The following SSBP2 variants were observed in gnomAD, a reference collection of about 807,000 sequenced individuals.
SSBP2 encodes single stranded DNA binding protein 2.
SSBP2 carries 17 observed loss-of-function variants against 61.8 expected under a neutral mutation model. That is an observed-to-expected ratio of 0.28 (90% confidence interval 0.19 to 0.41). The LOEUF (loss-of-function observed/expected upper bound fraction) is 0.41. Ranked by LOEUF, SSBP2 falls within the 10% of genes least tolerant of loss-of-function variation. SSBP2 has a pLI of 1.00. For missense variants in SSBP2, 310 were observed against 458.7 expected, an observed-to-expected ratio of 0.68 and a Z score of 2.96; for synonymous variants, 139 against 141.3, an observed-to-expected ratio of 0.98 and a Z score of 0.12.
At chr5:81,737,647 G>A (rs906340342) in intron 1 of SSBP2, among the ~76,000 whole-genome samples, 3 of 151,668 alleles carry the variant, frequency 2.0e-5, no homozygotes, top group South Asian at 2.1e-4. Flanking sequence ...AATTAGCCGG[G>A]TGTGGTGGCG....
intron 3 of SSBP2, among the ~76,000 whole-genome samples, chr5:81,631,617 C>A (rs1747732430): frequency 6.6e-6 from 1 of 152,092 alleles, no homozygotes; most frequent in South Asian, 2.1e-4. Context: ...GATTTAAACA[C>A]TGCCTGGCAA....
chr5:81,662,015 G>C (rs1031516151), intron 1 of SSBP2, among the ~76,000 whole-genome samples: 1 of 152,038 alleles, frequency 6.6e-6, no homozygotes, highest in African/African-American at 2.4e-5. Context: ...TTTGATTTTT[G>C]TCTGCGTTAT....
intron 1 of SSBP2, among the ~76,000 whole-genome samples, chr5:81,716,268 G>A (rs1755165680): frequency 3.3e-5 from 5 of 152,088 alleles, no homozygotes; most frequent in Non-Finnish European, 7.4e-5. Context: ...AATGAGATAA[G>A]GGTAATAGTA....
chr5:81,729,285 T>C (rs1327972795), intron 1 of SSBP2, among the ~76,000 whole-genome samples: 1 of 152,118 alleles, frequency 6.6e-6, no homozygotes, highest in African/African-American at 2.4e-5. Context: ...TAGCCTACCT[T>C]CAAATAGGTT....
At position 81,443,574 on chromosome 5, in the gene SSBP2, G is replaced by GT. The variant is rs1434051960; in HGVS notation, c.779-852dup. On this transcript the variant is annotated intron_variant, in intron 12 of 16. Coordinates refer to ENST00000320672, the MANE Select transcript of SSBP2 (RefSeq NM_012446.5). ...TAGTAGGCCTCTTTTGTTTTATTTT[G>GT]TTTTTTTAGACAGAGTCTTGCTCTA... 5.9e-5 allele frequency among the ~76,000 whole-genome samples: 9 copies of GT among 151,854 alleles called. No homozygotes were observed. In the South Asian group the frequency reaches 6.2e-4, roughly 11 times the overall value.
chr5:81,466,420 A>G (rs1398350144), intron 9 of SSBP2, among the ~76,000 whole-genome samples: 2 of 152,068 alleles, frequency 1.3e-5, no homozygotes, highest in Non-Finnish European at 2.9e-5. Flanking sequence ...ATCCTACGCT[A>G]CGGAAAGTTC....
At chr5:81,672,570 T>C (rs978298489) in intron 1 of SSBP2, among the ~76,000 whole-genome samples, 6 of 151,760 alleles carry the variant, frequency 4.0e-5, no homozygotes, top group Admixed American at 3.9e-4. Flanking sequence ...CCAGATACTT[T>C]TTCTTTTTTT....
chr5:81,655,662 A>G (rs984145904), intron 1 of SSBP2, among the ~76,000 whole-genome samples: 2 of 152,208 alleles, frequency 1.3e-5, no homozygotes, highest in Non-Finnish European at 2.9e-5. Flanking sequence ...ACAGAGGTAG[A>G]GATTAAGATG....
chr5:81,641,819 G>C (rs551517500), intron 2 of SSBP2, among the ~76,000 whole-genome samples: 1 of 152,120 alleles, frequency 6.6e-6, no homozygotes, highest in South Asian at 2.1e-4. Flanking sequence ...TCATTAAAAA[G>C]AATGAAATAC....
At chr5:81,677,735 A>G (rs778781018) in intron 1 of SSBP2, among the ~76,000 whole-genome samples, 3 of 151,620 alleles carry the variant, frequency 2.0e-5, no homozygotes, top group African/African-American at 7.3e-5. Flanking sequence ...GCCACAGCAT[A>G]CTCTGGCTGG....
At chr5:81,435,691 C>A (rs777046807) in intron 15 of SSBP2, among the ~76,000 whole-genome samples, 1 of 152,104 alleles carries the variant, frequency 6.6e-6, no homozygotes, top group East Asian at 1.9e-4. Context: ...CTTTCCCATA[C>A]AGAATTTTGT....
At chr5:81,507,778 A>T (rs1561482764) in intron 5 of SSBP2, among the ~76,000 whole-genome samples, 1 of 152,164 alleles carries the variant, frequency 6.6e-6, no homozygotes, top group Non-Finnish European at 1.5e-5. Flanking sequence ...AAGTTATAGA[A>T]ATTCACAAGA....
chr5:81,437,495 A>G (rs1480674403), intron 14 of SSBP2, 37 bp from the exon 15 acceptor site: 1 of 1,560,310 alleles, frequency 6.4e-7, no homozygotes, highest in Admixed American at 1.9e-5. Flanking sequence ...TTTATTAGGT[A>G]AGATTTCATT....
At chr5:81,751,158 AC>A (rs1757744059), upstream of SSBP2, 1 of 1,078,330 alleles carries the variant, frequency 9.3e-7, no homozygotes, top group Non-Finnish European at 1.4e-6. Context: ...TGGCCGCCCC[AC>A]GCCAAAGCTC....
Position 81,751,054 on chromosome 5 carries a change from G to A in SSBP2, c.-12C>T, listed in dbSNP as rs1757738462. 1.9e-6 allele frequency: 3 copies of A among 1,586,454 alleles called. No homozygotes were observed. The highest frequency in any genetic ancestry group is 2.3e-5 in the East Asian group (1 of 43,230). On this transcript the variant is annotated 5_prime_UTR_variant, in exon 1 of 17. Transcript: ENST00000320672. ...CCTTTGCCGTACATGCTTGTGCCGAGAGCAGCTCCCACTGTCACGCACCTG... is the reference window on the plus strand; with the variant it reads ...CCTTTGCCGTACATGCTTGTGCCGAAAGCAGCTCCCACTGTCACGCACCTG...
At chr5:81,611,578 A>T (rs552671359) in intron 4 of SSBP2, among the ~76,000 whole-genome samples, 1 of 152,272 alleles carries the variant, frequency 6.6e-6, no homozygotes, top group East Asian at 1.9e-4. Context: ...CATGTTTTTT[A>T]AATTTTTTGA....
At chr5:81,645,224 T>C (rs1749144469) in intron 2 of SSBP2, among the ~76,000 whole-genome samples, 2 of 152,220 alleles carry the variant, frequency 1.3e-5, no homozygotes, top group South Asian at 4.1e-4. Flanking sequence ...TGCTTTTACC[T>C]CCTATACTAT....
chr5:81,530,584 T>C (rs1365422179), intron 4 of SSBP2, among the ~76,000 whole-genome samples: 1 of 152,096 alleles, frequency 6.6e-6, no homozygotes, highest in African/African-American at 2.4e-5. Context: ...CATAAATGTA[T>C]TCAAATCACT....
intron 1 of SSBP2, among the ~76,000 whole-genome samples, chr5:81,737,361 A>G (rs1023871836): frequency 1.3e-5 from 2 of 151,082 alleles, no homozygotes; most frequent in East Asian, 3.9e-4. Context: ...TCCTTTCTCC[A>G]GTGAAGGCTG....
Sources: allele counts gnomAD v4.1 joint callset (sites outside exome capture counted in the v4.1 genomes callset), GRCh38; gene constraint gnomAD v4.1.1; transcripts MANE v1.5; gene names NCBI Gene and HGNC (gene_info 2026-07-23, HGNC 2026-07-21).